Variants in ABCG1 observed in about 807,000 individuals in gnomAD.
ABCG1 encodes the protein ATP-binding cassette sub-family G member 1.
ABCG1 carries 29 observed loss-of-function variants against 69.2 expected under a neutral mutation model. That is an observed-to-expected ratio of 0.42 (90% CI 0.31 to 0.57). The LOEUF (loss-of-function observed/expected upper bound fraction) is 0.57. ABCG1 is among the 20% of genes least tolerant of loss of function. The pLI is 0.15. For missense variants in ABCG1, 718 were observed against 898.1 expected (o/e 0.80, Z 2.56); for synonymous variants, 370 against 374.8 (o/e 0.99, Z 0.15).
chr21:42,280,224 G>T (rs139122708), intron 5 of ABCG1, among the ~76,000 whole-genome samples: 176 of 152,362 alleles, frequency 1.2e-3, no homozygotes, highest in African/African-American at 4.1e-3. Context: ...GCAACTTTGT[G>T]CCTTCACTCA....
At chr21:42,277,975 T>A (rs2068740195) in intron 5 of ABCG1, among the ~76,000 whole-genome samples, 1 of 152,230 alleles carries the variant, frequency 6.6e-6, no homozygotes, top group Non-Finnish European at 1.5e-5. Context: ...AACTGTGCCC[T>A]TCAAAACTCA....
chr21:42,210,959 CTT>C (rs1555945834), intron 2 of ABCG1, among the ~76,000 whole-genome samples: 31 of 137,302 alleles, frequency 2.3e-4, no homozygotes, highest in Middle Eastern at 3.8e-3. Flanking sequence ...TTTCTTTCTT[CTT>C]TTTTTTTTTT....
intron 2 of ABCG1, among the ~76,000 whole-genome samples, chr21:42,255,795 A>C (rs532848012): frequency 6.6e-6 from 1 of 152,160 alleles, no homozygotes; most frequent in African/African-American, 2.4e-5. Context: ...CCGACTTTCA[A>C]TGAAAATCTC....
upstream of ABCG1, among the ~76,000 whole-genome samples, chr21:42,217,023 C>T (rs1447028915): frequency 1.3e-5 from 2 of 152,220 alleles, no homozygotes; most frequent in Admixed American, 1.3e-4. Context: ...AGCATAGCAT[C>T]TTCCCTCTCT....
intron 6 of ABCG1, among the ~76,000 whole-genome samples, chr21:42,282,933 A>T (rs2068839895): frequency 1.3e-5 from 2 of 151,788 alleles, no homozygotes; most frequent in African/African-American, 4.8e-5. Context: ...CTCTATACCC[A>T]CGGGCGCTCT....
chr21:42,236,405 T>TGGGGCCACCTCAGTGGAGTCGGA (rs1172436872), intron 2 of ABCG1, among the ~76,000 whole-genome samples: 2 of 152,242 alleles, frequency 1.3e-5, no homozygotes, highest in African/African-American at 4.8e-5. Context: ...CCGCAAGGCC[T>TGGGGCCACCTCAGTGGAGTCGGA]GGGGCCACCT....
At chr21:42,213,161 G>A (rs538143801), upstream of ABCG1, among the ~76,000 whole-genome samples, 16 of 152,378 alleles carry the variant, frequency 1.1e-4, no homozygotes, top group African/African-American at 3.8e-4. Flanking sequence ...TGTGCATGAA[G>A]ACAGTGACGG....
chr21:42,213,252 A>G (rs1201256906), upstream of ABCG1, among the ~76,000 whole-genome samples: 1 of 152,238 alleles, frequency 6.6e-6, no homozygotes, highest in Non-Finnish European at 1.5e-5. Context: ...GGGGGACAGA[A>G]CTATGCCCAC....
intron 2 of ABCG1, among the ~76,000 whole-genome samples, chr21:42,255,594 C>T (rs1272401462): frequency 6.6e-6 from 1 of 152,172 alleles, no homozygotes; most frequent in Non-Finnish European, 1.5e-5. Flanking sequence ...AAGGAGCGCA[C>T]GAGGAGGCTG....
Position 42,219,215 on chromosome 21 carries a change from C to T in ABCG1, c.-48C>T, listed in dbSNP as rs1257423647. 1.3e-5 allele frequency: 19 copies of T among 1,478,538 alleles called. No homozygotes were observed. The African/African-American group carries it at 2.1e-4, about 16-fold the overall frequency. The allele number at this position is 1,478,538 out of a possible 1,614,324, so 91.6% of individuals were successfully genotyped here. On this transcript the variant is annotated 5_prime_UTR_variant, in exon 1 of 15. Transcript: ENST00000398449. This position sits in a 1 kb window ranked among gnomAD's most constrained non-coding sequence, Gnocchi z 5.3. ...CGCAGCCTCGGCCCCGCAGCTCAAGCCTCGTCCCCGCCGCCGCCGCCGCCG... is the reference window on the plus strand; with the variant it reads ...CGCAGCCTCGGCCCCGCAGCTCAAGTCTCGTCCCCGCCGCCGCCGCCGCCG...
rs143245726 is a variant in ABCG1 at position 42,257,023 on chromosome 21, C to T, written c.287-14047C>T. Among the ~76,000 whole-genome samples, 7 of 152,338 alleles carry T rather than the reference C, an allele frequency of 4.6e-5. No homozygotes were observed. The East Asian group carries it at 5.8e-4, about 13-fold the overall frequency. On this transcript the variant is annotated intron_variant, in intron 2 of 14. Coordinates refer to ENST00000398449, the MANE Select transcript of ABCG1 (RefSeq NM_016818.3). ...TGTTTATTAACCATTTTCTATATGC[C>T]GGGCTCAATGTGAGGCATTTCGAAC...
At chr21:42,245,114 T>A (rs889588020) in intron 2 of ABCG1, among the ~76,000 whole-genome samples, 1 of 152,152 alleles carries the variant, frequency 6.6e-6, no homozygotes, top group Admixed American at 6.5e-5. Flanking sequence ...AGACCTTGTG[T>A]TCCCTGGGCT....
chr21:42,286,655 G>C (rs1008874650), intron 8 of ABCG1, among the ~76,000 whole-genome samples: 4 of 152,194 alleles, frequency 2.6e-5, no homozygotes, highest in African/African-American at 9.6e-5. Context: ...GATCAGTAAC[G>C]GGTCACTAAC....
chr21:42,251,522 G>A, intron 2 of ABCG1, among the ~76,000 whole-genome samples: 1 of 141,944 alleles, frequency 7.0e-6, no homozygotes, highest in African/African-American at 2.6e-5. Context: ...GGCTCGATGA[G>A]CGGGCAGGAC....
At chr21:42,261,492 C>T (rs926592326) in intron 2 of ABCG1, among the ~76,000 whole-genome samples, 1 of 152,198 alleles carries the variant, frequency 6.6e-6, no homozygotes, top group Non-Finnish European at 1.5e-5. Flanking sequence ...CTGGCCTGGT[C>T]GAAGGGGCAC....
intron 2 of ABCG1, among the ~76,000 whole-genome samples, chr21:42,267,113 G>C (rs768042581): frequency 9.1e-4 from 139 of 152,368 alleles, no homozygotes; most frequent in Non-Finnish European, 1.4e-3. Context: ...GTTGGTGCAG[G>C]GAAAGGGGGA....
intron 5 of ABCG1, among the ~76,000 whole-genome samples, chr21:42,280,382 C>T (rs765102986): frequency 6.6e-6 from 1 of 152,206 alleles, no homozygotes; most frequent in Admixed American, 6.5e-5. Flanking sequence ...AGCCTCAGCC[C>T]TCCAGAGCCC....
intron 2 of ABCG1, among the ~76,000 whole-genome samples, chr21:42,226,777 C>G (rs950690254): frequency 6.6e-6 from 1 of 152,158 alleles, no homozygotes; most frequent in African/African-American, 2.4e-5. Context: ...CATCAAGAAA[C>G]CATGGTCCCT....
At chr21:42,217,640 C>T (rs2067655171), upstream of ABCG1, among the ~76,000 whole-genome samples, 1 of 146,980 alleles carries the variant, frequency 6.8e-6, no homozygotes, top group South Asian at 2.2e-4. Flanking sequence ...CAGATTTCCT[C>T]ATTTCAGCCA....
Sources: allele counts gnomAD v4.1 joint callset (sites outside exome capture counted in the v4.1 genomes callset), GRCh38; gene constraint gnomAD v4.1.1; non-coding constraint Gnocchi (gnomAD v3.1); transcripts MANE v1.5; gene names NCBI Gene and HGNC (gene_info 2026-07-23, HGNC 2026-07-21).